Variants in ANAPC10 observed in about 807,000 individuals in gnomAD.
ANAPC10 encodes anaphase promoting complex subunit 10.
In ANAPC10, 12 loss-of-function variants were observed where a neutral mutation model predicts 22.0. The observed-to-expected ratio is 0.55, with a 90% confidence interval of 0.35 to 0.88. The LOEUF is 0.88. ANAPC10 is among the 40% of genes least tolerant of loss of function. The pLI is 0.01. For missense variants in ANAPC10, 188 were observed against 220.9 expected (o/e 0.85, Z 0.94); for synonymous variants, 65 against 69.5 (o/e 0.94, Z 0.32).
At chr4:145,052,850 T>C (rs1054239142) in intron 4 of ANAPC10, among the ~76,000 whole-genome samples, 10 of 146,112 alleles carry the variant, frequency 6.8e-5, no homozygotes, top group African/African-American at 2.3e-4. Context: ...ATTGCACCAC[T>C]GCACTCCTGC....
rs189943524 is a variant in ANAPC10, at chr4:145,068,144, T to C, written c.207-3452A>G. ...CACTCCTGGACTGCCAGGCTCCTCT[T>C]ACACGAAGAGGTAGAAGAAATAAAT... is the stretch of plus-strand genomic sequence containing the variant. On this transcript the variant is annotated intron_variant, in intron 3 of 4. Transcript: ENST00000507656. 5.6e-4 allele frequency among the ~76,000 whole-genome samples: 85 copies of C among 152,330 alleles called. 1 individual carries two copies. Among genetic ancestry groups the C allele is most frequent in the Admixed American group, 2.1e-3 (32 of 15,306 alleles).
In ANAPC10 at chr4:145,049,939, C is replaced by A. The variant is rs145929458; in HGVS notation, c.327+14633G>T. Among the ~76,000 whole-genome samples the A allele has an allele frequency of 2.5e-3, 380 of 152,254 alleles. 1 individual carries two copies. Among genetic ancestry groups the A allele is most frequent in the African/African-American group, 8.9e-3 (368 of 41,532 alleles). On this transcript the variant is annotated intron_variant, in intron 4 of 4. Coordinates refer to ENST00000507656, the MANE Select transcript of ANAPC10 (RefSeq NM_001256706.2). ...TACTCCCTCCAATGAAGCCTTCAGA[C>A]CCTCAAAGTTATTCATGAGGCTTGG...
At chr4:144,997,927 A>C (rs1377276621) in intron 4 of ANAPC10, among the ~76,000 whole-genome samples, 1 of 152,214 alleles carries the variant, frequency 6.6e-6, no homozygotes. Context: ...CAGGGGTTGC[A>C]ATCCTAGTCT....
At chr4:145,027,840 G>A (rs1289002418) in intron 4 of ANAPC10, among the ~76,000 whole-genome samples, 2 of 152,270 alleles carry the variant, frequency 1.3e-5, no homozygotes, top group Admixed American at 6.5e-5. Flanking sequence ...CCCATGTGGA[G>A]GATGTAGTCC....
At chr4:145,006,226 A>T (rs1387818785) in intron 4 of ANAPC10, among the ~76,000 whole-genome samples, 3 of 151,978 alleles carry the variant, frequency 2.0e-5, no homozygotes, top group African/African-American at 7.3e-5. Flanking sequence ...GTCTTTTGTG[A>T]TCTTTGTTGT....
intron 1 of ANAPC10, chr4:145,097,482 T>C (rs901714454): frequency 1.3e-5 from 17 of 1,287,064 alleles, no homozygotes; most frequent in Non-Finnish European, 1.7e-5. Context: ...ATAGGTGCAA[T>C]AGTTCTGCAT....
At chr4:145,080,209 GGAA>G (rs1241063987) in intron 3 of ANAPC10, among the ~76,000 whole-genome samples, 1 of 150,242 alleles carries the variant, frequency 6.7e-6, no homozygotes, top group Non-Finnish European at 1.5e-5. Flanking sequence ...GTGAAGGAAA[GGAA>G]GAAGGTGAGG....
intron 2 of ANAPC10, among the ~76,000 whole-genome samples, chr4:145,094,162 CAAT>C (rs1490134638): frequency 2.0e-5 from 3 of 152,088 alleles, no homozygotes; most frequent in African/African-American, 7.2e-5. Flanking sequence ...CAGTAATCAA[CAAT>C]AAAAAGGAAT....
At chr4:145,081,545 T>G in intron 3 of ANAPC10, 115 bp downstream of exon 3, 1 of 641,030 alleles carries the variant, frequency 1.6e-6, no homozygotes, top group South Asian at 2.5e-5. Context: ...ACTTCAGAGT[T>G]TAAAAAGTTA....
intron 4 of ANAPC10, among the ~76,000 whole-genome samples, chr4:145,045,482 T>G (rs553427318): frequency 6.6e-6 from 1 of 152,244 alleles, no homozygotes; most frequent in East Asian, 1.9e-4. Flanking sequence ...TCTCCCCATG[T>G]CATCTTGTAA....
intron 2 of ANAPC10, among the ~76,000 whole-genome samples, 160 bp from the exon 3 acceptor site, chr4:145,081,910 G>GT (rs1368723156): frequency 2.0e-5 from 3 of 152,096 alleles, no homozygotes; most frequent in Admixed American, 1.3e-4. Context: ...GGGTCTTGCT[G>GT]TGTTGCCCAG....
At chr4:145,088,321 T>C (rs1747187709) in intron 2 of ANAPC10, among the ~76,000 whole-genome samples, 2 of 152,188 alleles carry the variant, frequency 1.3e-5, no homozygotes. Context: ...ACCTTCAAAT[T>C]TGTATCTCCA....
At chr4:145,079,506 G>C (rs1366587953) in intron 3 of ANAPC10, among the ~76,000 whole-genome samples, 1 of 152,202 alleles carries the variant, frequency 6.6e-6, no homozygotes, top group Admixed American at 6.5e-5. Context: ...ACTACTATTT[G>C]ACCAAGCAAT....
chr4:145,096,876 G>C (rs1560948509), intron 1 of ANAPC10, among the ~76,000 whole-genome samples: 1 of 151,992 alleles, frequency 6.6e-6, no homozygotes, highest in Non-Finnish European at 1.5e-5. Context: ...TATTCATTGA[G>C]TGATGCAGAG....
intron 2 of ANAPC10, among the ~76,000 whole-genome samples, chr4:145,085,956 T>C (rs1579156255): frequency 6.6e-6 from 1 of 151,920 alleles, no homozygotes; most frequent in African/African-American, 2.4e-5. Flanking sequence ...CTCCACCTCC[T>C]GGGTTCAAGC....
intron 4 of ANAPC10, among the ~76,000 whole-genome samples, chr4:145,034,616 G>A (rs933063728): frequency 6.9e-6 from 1 of 144,810 alleles, no homozygotes; most frequent in East Asian, 2.0e-4. Context: ...TTATAACAAG[G>A]ATATGTATTA....
chr4:145,004,858 G>C (rs1169695309), intron 4 of ANAPC10, among the ~76,000 whole-genome samples: 2 of 151,992 alleles, frequency 1.3e-5, no homozygotes, highest in African/African-American at 4.8e-5. Flanking sequence ...GATGCTGTTG[G>C]CTTCACAGAA....
rs775083414 is a variant in ANAPC10 at position 145,096,076 on chromosome 4, A to T, written c.24T>A (p.Pro8=). ...CCAACTGCTTGGGGTCAGCACCAGG[A>T]GGTGTCTTGTTTGGTGTAGTCATTT... MTTPNKT[P]PGADPKQLER... is the part of the protein sequence containing the mutation. The change falls in exon 2 of 5, where the codon CCT becomes CCA. Residue 8 remains proline (P), a synonymous_variant. Coordinates refer to ENST00000507656, the MANE Select transcript of ANAPC10 (RefSeq NM_001256706.2). The T allele has an allele frequency of 6.2e-7, 1 of 1,614,158 alleles. No homozygotes were observed. The highest frequency in any genetic ancestry group is 1.1e-5 in the South Asian group (1 of 91,084).
At chr4:145,024,173 A>C (rs1578944466) in intron 4 of ANAPC10, among the ~76,000 whole-genome samples, 1 of 152,298 alleles carries the variant, frequency 6.6e-6, no homozygotes, top group East Asian at 1.9e-4. Context: ...TTCTAATTCT[A>C]GTTCTCTTGC....
Sources: allele counts gnomAD v4.1 joint callset (sites outside exome capture counted in the v4.1 genomes callset), GRCh38; gene constraint gnomAD v4.1.1; transcripts MANE v1.5; gene names NCBI Gene and HGNC (gene_info 2026-07-23, HGNC 2026-07-21).